ZFR2: variants seen among roughly 807,000 people sequenced by gnomAD.
The protein encoded by ZFR2 is zinc finger RNA binding protein 2.
In ZFR2, 104 loss-of-function variants were observed where a neutral mutation model predicts 105.7. The ratio of observed to expected loss-of-function variants is 0.98; its 90% CI spans 0.84 to 1.16. The LOEUF (loss-of-function observed/expected upper bound fraction) is 1.16, where lower values mean the gene tolerates loss of function less well. Among genes scored for constraint, ZFR2 ranks in the 50% most tolerant of loss-of-function variants. The pLI is 0.00. For missense variants in ZFR2, 1,425 were observed against 1,355.5 expected (o/e 1.05, Z -0.80); for synonymous variants, 634 against 597.7 (o/e 1.06, Z -0.89).
chr19:3,806,218 G>A, intron 18 of ZFR2, 93 bp from the exon 19 acceptor site: 1 of 1,331,832 alleles, frequency 7.5e-7, no homozygotes, highest in African/African-American at 1.5e-5. Context: ...GCCACCAGCA[G>A]ATGGGCCAGG....
chr19:3,820,391 A>C (rs2301846), intron 10 of ZFR2, 101 bp from the exon 11 acceptor site: 454,233 of 1,138,390 alleles, frequency 0.4, 91,093 homozygotes, highest in East Asian at 0.47. Context: ...GCAAGGAAGG[A>C]AGGGCCAAAG....
chr19:3,827,421 T>G (rs1470968224), intron 6 of ZFR2, 50 bp downstream of exon 6: 1 of 1,469,476 alleles, frequency 6.8e-7, no homozygotes, highest in Admixed American at 2.5e-5. Context: ...AGTGCTGACC[T>G]GGGGGCCTTC....
Position 3,827,548 on chromosome 19 carries a change from G to A in ZFR2, c.958C>T (p.His320Tyr). The change falls in exon 6 of 19, where the codon CAT (histidine) becomes TAT (tyrosine). Residue 320 changes from histidine (H) to tyrosine (Y), a missense_variant. His to Tyr is a moderately conservative substitution (Grantham distance 83, BLOSUM62 2). Transcript: ENST00000262961. ...GSPRGVQAQL[H>Y]CDLCAVSCTG... ...CAGGACACGGCGCACAGGTCGCAAT[G>A]CAGCTGCGCCTGCACCCCGCGCGGG... The A allele has an allele frequency of 6.4e-7, 1 of 1,562,540 alleles. No homozygotes were observed. The highest frequency in any genetic ancestry group is 8.7e-7 in the Non-Finnish European group (1 of 1,153,954).
chr19:3,819,274 G>C, intron 11 of ZFR2, 39 bp from the exon 12 acceptor site: 1 of 1,451,050 alleles, frequency 6.9e-7, no homozygotes, highest in South Asian at 1.4e-5. Context: ...GTGGTCTGTG[G>C]GGACCCTTGG....
chr19:3,820,412 G>C, intron 10 of ZFR2, 122 bp from the exon 11 acceptor site: 1 of 924,768 alleles, frequency 1.1e-6, no homozygotes, highest in East Asian at 2.7e-5. Flanking sequence ...CTCTTGCTGG[G>C]GCTCCACTGC....
At position 3,805,992 on chromosome 19, in the gene ZFR2, C is replaced by A; in HGVS notation, c.2777G>T (p.Gly926Val). The change falls in exon 19 of 19, where the codon GGG (glycine) becomes GTG (valine). Residue 926 changes from glycine to valine, a missense_variant. Gly to Val is a moderately radical substitution (Grantham distance 109). Coordinates refer to ENST00000262961, the MANE Select transcript of ZFR2 (RefSeq NM_015174.2). ...RGPGEGEEGAGEKKRGRRGGE... is the reference protein window; with the variant it reads ...RGPGEGEEGAVEKKRGRRGGE... ...GCCCCGCCGGCCCCGCTTCTTCTCC[C>A]CTGCGCCCTCCTCTCCCTCGCCAGG... 1 of 1,544,994 alleles carries A rather than the reference C, an allele frequency of 6.5e-7. No individual in the cohort carries two copies. The highest frequency in any genetic ancestry group is 2.0e-5 in the Admixed American group (1 of 51,078).
chr19:3,829,498 T>C (rs1190431149), intron 5 of ZFR2, among the ~76,000 whole-genome samples: 1 of 151,572 alleles, frequency 6.6e-6, no homozygotes, highest in Non-Finnish European at 1.5e-5. Context: ...GTTGTTGTTG[T>C]TGTTGGTTTT....
intron 1 of ZFR2, among the ~76,000 whole-genome samples, chr19:3,847,884 C>A (rs2038199016): frequency 6.6e-6 from 1 of 152,188 alleles, no homozygotes; most frequent in Non-Finnish European, 1.5e-5. Flanking sequence ...GAGCCGGGAC[C>A]ACCCTCTCCT....
At chr19:3,866,828 G>T (rs771900428) in intron 1 of ZFR2, among the ~76,000 whole-genome samples, 1 of 152,074 alleles carries the variant, frequency 6.6e-6, no homozygotes, top group Non-Finnish European at 1.5e-5. Context: ...GGAAGCAAAA[G>T]AAAAGATCAA....
At chr19:3,862,709 A>G (rs1320580309) in intron 1 of ZFR2, among the ~76,000 whole-genome samples, 1 of 152,228 alleles carries the variant, frequency 6.6e-6, no homozygotes, top group Non-Finnish European at 1.5e-5. Flanking sequence ...CTGTCATTTG[A>G]AAAGGTTTCC....
chr19:3,823,185 C>T lies in ZFR2; in HGVS notation c.1371+61G>A, dbSNP rs1403073510. 9 of 1,610,130 alleles carry T rather than the reference C, an allele frequency of 5.6e-6. No homozygotes were observed. The highest frequency in any genetic ancestry group is 5.9e-6 in the Non-Finnish European group (7 of 1,178,288). ...GGAGAAGCCGGGTGAGGTCTCGAAG[C>T]CTGATCCATGGGAAGGTCCTTCCCT... On this transcript the variant is annotated intron_variant, in intron 8 of 18. Transcript: ENST00000262961. The surrounding 1 kb of genome is among the most constrained non-coding windows in gnomAD (Gnocchi z 5.4).
intron 1 of ZFR2, among the ~76,000 whole-genome samples, chr19:3,859,394 T>C (rs539894415): frequency 7.2e-5 from 11 of 152,348 alleles, no homozygotes; most frequent in South Asian, 2.1e-4. Context: ...GTGCCTCAGC[T>C]TGCAGACGGC....
rs780568632 is a variant in ZFR2 at position 3,822,129 on chromosome 19, G to T, written c.1443C>A (p.Asn481Lys). The change falls in exon 9 of 19, where the codon AAC becomes AAA. Residue 481 changes from asparagine (N) to lysine (K), a missense_variant. Asn to Lys is a moderately conservative substitution (Grantham distance 94, BLOSUM62 0). Transcript: ENST00000262961. Reference sequence around the variant, plus strand: ...GCCCCCTCACGTGCAGGTCCTTCGCGTTAAGGTCGTTGAAACTGCACTCGC... The same window carrying T: ...GCCCCCTCACGTGCAGGTCCTTCGCTTTAAGGTCGTTGAAACTGCACTCGC... ...KLCECSFNDL[N>K]AKDLHVRGRR... 1 of 1,610,238 alleles carries T rather than the reference G, an allele frequency of 6.2e-7. No homozygotes were observed. The highest frequency in any genetic ancestry group is 8.5e-7 in the Non-Finnish European group (1 of 1,178,602).
At chr19:3,856,292 C>G (rs2038300678) in intron 1 of ZFR2, among the ~76,000 whole-genome samples, 1 of 152,172 alleles carries the variant, frequency 6.6e-6, no homozygotes, top group Admixed American at 6.5e-5. Context: ...AGTCAGACAT[C>G]CACAGAGCAT....
intron 14 of ZFR2, among the ~76,000 whole-genome samples, chr19:3,812,322 C>T (rs2037774518): frequency 6.6e-6 from 1 of 152,114 alleles, no homozygotes; most frequent in Non-Finnish European, 1.5e-5. Flanking sequence ...TCAAGCAATC[C>T]TCCCACTTGG....
chr19:3,826,639 T>C (rs1036910889), intron 6 of ZFR2, among the ~76,000 whole-genome samples: 23 of 151,776 alleles, frequency 1.5e-4, no homozygotes, highest in Admixed American at 5.2e-4. Flanking sequence ...GGTTTCACCA[T>C]GTTGGCCAGG....
chr19:3,825,329 C>T lies in ZFR2; in HGVS notation c.1114G>A (p.Ala372Thr), dbSNP rs2037936855. 1 of 1,587,398 alleles carries T rather than the reference C, an allele frequency of 6.3e-7. No homozygotes were observed. The highest frequency in any genetic ancestry group is 1.8e-5 in the Admixed American group (1 of 54,568). ...PALATESPPGAEAKPTSPTGP... is the reference protein window; with the variant it reads ...PALATESPPGTEAKPTSPTGP... ...GTGGGGGACGTGGGCTTGGCCTCTG[C>T]CCCGGGGGGGCTCTCTGTGGCCAGT... The change falls in exon 7 of 19, where the codon GCA becomes ACA. Residue 372 changes from alanine (A) to threonine (T), a missense_variant. Coordinates refer to ENST00000262961, the MANE Select transcript of ZFR2 (RefSeq NM_015174.2).
Position 3,819,225 on chromosome 19 carries a change from C to T in ZFR2, c.1751G>A (p.Arg584Gln), listed in dbSNP as rs768182093. Residue 584 changes from arginine (R) to glutamine (Q), a missense_variant, in exon 12 of 19, where the codon CGG (arginine) becomes CAG (glutamine). Arg to Gln is a conservative substitution (Grantham distance 43). Coordinates refer to ENST00000262961, the MANE Select transcript of ZFR2 (RefSeq NM_015174.2). ...GTGCCGGTCGTCGCTGGACGCCGGC[C>T]GCCGCCCGGGCTGTGGGGAGAGGCC... is the stretch of plus-strand genomic sequence containing the variant. Reference protein sequence around the residue: ...PASAPLQPGRRPASSDDRHVM... With the variant: ...PASAPLQPGRQPASSDDRHVM... 28 of 1,543,914 alleles carry T rather than the reference C, an allele frequency of 1.8e-5. No individual in the cohort carries two copies. Among genetic ancestry groups the T allele is most frequent in the Admixed American group, 5.9e-5 (3 of 51,212 alleles).
rs778214801 is a variant in ZFR2, at chr19:3,831,559, G to A, written c.599-3C>T. 1.3e-6 allele frequency: 2 copies of A among 1,559,954 alleles called. No individual in the cohort carries two copies. The highest frequency in any genetic ancestry group is 2.4e-5 in the South Asian group (2 of 84,334). ...GTCATAGTTCGGGTAGCTTGGTGCT[G>A]AGCAGCAGAGAAAACAATGAGTCGG... On this transcript the variant is annotated splice_polypyrimidine_tract_variant and splice_region_variant and intron_variant, in intron 4 of 18. Transcript: ENST00000262961.
Sources: allele counts gnomAD v4.1 joint callset (sites outside exome capture counted in the v4.1 genomes callset), GRCh38; gene constraint gnomAD v4.1.1; non-coding constraint Gnocchi (gnomAD v3.1); transcripts MANE v1.5; gene names NCBI Gene and HGNC (gene_info 2026-07-23, HGNC 2026-07-21).